Variants in CAPS2 observed in about 807,000 individuals in gnomAD.
CAPS2 encodes the protein calcyphosine 2, also known as calcyphosin-2.
CAPS2 carries 98 observed loss-of-function variants against 86.5 expected under a neutral mutation model. The ratio of observed to expected loss-of-function variants is 1.13; its 90% CI spans 0.96 to 1.34. The LOEUF is 1.34. Ranked by LOEUF, CAPS2 falls within the 40% of genes most tolerant of loss-of-function variation. The pLI, the probability that CAPS2 is intolerant of heterozygous loss-of-function variation, is 0.00. For synonymous variants in CAPS2, 210 were observed against 225.1 expected (o/e 0.93, Z 0.60); for missense variants, 729 against 686.8 (o/e 1.06, Z -0.69).
At chr12:75,331,879 A>T (rs2041353038), upstream of CAPS2, among the ~76,000 whole-genome samples, 4 of 152,200 alleles carry the variant, frequency 2.6e-5, no homozygotes, top group Admixed American at 2.6e-4. Context: ...TAACTTTTAA[A>T]AAGTTATAAA....
At chr12:75,291,876 T>C in intron 12 of CAPS2, 56 bp from the exon 13 acceptor site, 1 of 848,624 alleles carries the variant, frequency 1.2e-6, no homozygotes, top group Non-Finnish European at 1.8e-6. Context: ...TTTACAATCT[T>C]GAGTATAAAA....
chr12:75,281,368 A>G (rs2033911262), intron 16 of CAPS2, among the ~76,000 whole-genome samples: 1 of 151,952 alleles, frequency 6.6e-6, no homozygotes, highest in Admixed American at 6.6e-5. Flanking sequence ...AAAATCTAAC[A>G]ATAAAAGAAT....
intron 1 of CAPS2, among the ~76,000 whole-genome samples, chr12:75,363,720 A>G (rs2043775670): frequency 1.3e-5 from 2 of 152,162 alleles, no homozygotes; most frequent in Admixed American, 1.3e-4. Context: ...ACTCTGTAAA[A>G]CATTTGAAGA....
At chr12:75,295,732 A>T (rs1376403973) in intron 11 of CAPS2, among the ~76,000 whole-genome samples, 1 of 152,204 alleles carries the variant, frequency 6.6e-6, no homozygotes, top group Non-Finnish European at 1.5e-5. Flanking sequence ...GAATAGATAA[A>T]AATATACACA....
intron 8 of CAPS2, among the ~76,000 whole-genome samples, chr12:75,303,227 T>C (rs1192698222): frequency 6.6e-6 from 1 of 152,138 alleles, no homozygotes; most frequent in African/African-American, 2.4e-5. Context: ...ACAAACCTAA[T>C]GTTGGGTAAA....
chr12:75,366,830 G>A, intron 1 of CAPS2: 1 of 699,202 alleles, frequency 1.4e-6, no homozygotes, highest in South Asian at 1.5e-5. Flanking sequence ...AATGCCAAGT[G>A]AACAGCTCTA....
intron 1 of CAPS2, among the ~76,000 whole-genome samples, chr12:75,349,961 G>A (rs567665657): frequency 6.6e-6 from 1 of 152,356 alleles, no homozygotes; most frequent in Non-Finnish European, 1.5e-5. Context: ...GGCCAGCGGG[G>A]CAGGCTGGAG....
At chr12:75,293,294 T>G (rs1281613858) in exon 12 of CAPS2, 1 of 1,612,456 alleles carries the variant, frequency 6.2e-7, no homozygotes, top group African/African-American at 1.3e-5. Context: ...GATTCGGAGT[T>G]TAAGTAATGT....
chr12:75,388,951 T>G (rs1459369889), intron 1 of CAPS2, among the ~76,000 whole-genome samples: 3 of 151,932 alleles, frequency 2.0e-5, no homozygotes, highest in Admixed American at 2.0e-4. Flanking sequence ...AAACTGCTAT[T>G]AAAAAAGAGT....
chr12:75,314,487 A>G (rs2039552330), intron 6 of CAPS2, among the ~76,000 whole-genome samples: 1 of 152,154 alleles, frequency 6.6e-6, no homozygotes, highest in Non-Finnish European at 1.5e-5. Flanking sequence ...AATATGTCCT[A>G]TATAAAGCTT....
rs543815545 is a variant in CAPS2, at chr12:75,296,351, G to T, written c.1044+2336C>A. Among the ~76,000 whole-genome samples the T allele has an allele frequency of 2.0e-5, 3 of 152,032 alleles. No homozygotes were observed. The South Asian group carries it at 6.2e-4, about 32-fold the overall frequency. ...CTGTCACCCAGGTTGGAGTGCAGAG[G>T]CGCAATCTCAGCTCACTGCAAGCTC... On this transcript the variant is annotated intron_variant, in intron 11 of 16. Transcript: ENST00000393284.
intron 1 of CAPS2, among the ~76,000 whole-genome samples, chr12:75,364,540 T>C (rs1415774150): frequency 6.6e-6 from 1 of 152,222 alleles, no homozygotes; most frequent in East Asian, 1.9e-4. Context: ...CAGATGGGAA[T>C]GGACATAGAC....
intron 1 of CAPS2, among the ~76,000 whole-genome samples, chr12:75,348,289 TAAAAATAAGC>T (rs753460186): frequency 1.3e-4 from 20 of 151,990 alleles, no homozygotes; most frequent in Non-Finnish European, 2.5e-4. Flanking sequence ...AACATCAATT[TAAAAATAAGC>T]AGTAGAAAAG....
chr12:75,332,109 G>C (rs866129208), upstream of CAPS2, among the ~76,000 whole-genome samples: 1 of 152,136 alleles, frequency 6.6e-6, no homozygotes, highest in African/African-American at 2.4e-5. Flanking sequence ...ACGTCTCTTA[G>C]AAGAGCAATA....
At chr12:75,290,685 G>T (rs560285857) in intron 13 of CAPS2, among the ~76,000 whole-genome samples, 4 of 152,048 alleles carry the variant, frequency 2.6e-5, no homozygotes, top group Non-Finnish European at 5.9e-5. Context: ...TGAGGCCAAG[G>T]TGGGAGGATC....
intron 1 of CAPS2, chr12:75,366,754 C>T (rs2043992429): frequency 1.6e-6 from 1 of 629,700 alleles, no homozygotes; most frequent in Non-Finnish European, 2.8e-6. Flanking sequence ...ACCAATGAGT[C>T]ATTTCCACGC....
At chr12:75,379,174 T>C (rs2044822971) in intron 1 of CAPS2, among the ~76,000 whole-genome samples, 1 of 152,224 alleles carries the variant, frequency 6.6e-6, no homozygotes, top group African/African-American at 2.4e-5. Context: ...GATTCAAATT[T>C]AAAATTTAAA....
At chr12:75,287,688 C>T (rs957525757) in intron 14 of CAPS2, among the ~76,000 whole-genome samples, 2 of 152,116 alleles carry the variant, frequency 1.3e-5, no homozygotes, top group African/African-American at 2.4e-5. Flanking sequence ...CGATACTTTG[C>T]GTATTCATCT....
chr12:75,334,810 A>T (rs1229560482), upstream of CAPS2: 1 of 1,614,118 alleles, frequency 6.2e-7, no homozygotes, highest in Non-Finnish European at 8.5e-7. Flanking sequence ...AATCCCATCC[A>T]TCACTGACCC....
Sources: allele counts gnomAD v4.1 joint callset (sites outside exome capture counted in the v4.1 genomes callset), GRCh38; gene constraint gnomAD v4.1.1; transcripts MANE v1.5; gene names NCBI Gene and HGNC (gene_info 2026-07-23, HGNC 2026-07-21).